SPATA6: variants seen among roughly 807,000 people sequenced by gnomAD.
SPATA6 encodes spermatogenesis associated 6, also known as spermatogenesis-associated protein 6.
In SPATA6, 56 loss-of-function variants were observed where a neutral mutation model predicts 65.3. The observed-to-expected ratio is 0.86, with a 90% CI of 0.69 to 1.07. The LOEUF (loss-of-function observed/expected upper bound fraction) is 1.07, where lower values mean the gene tolerates loss of function less well. Ranked by LOEUF, SPATA6 falls within the 50% of genes least tolerant of loss-of-function variation. The pLI is 0.00. For missense variants in SPATA6, 590 were observed against 594.8 expected (o/e 0.99, Z 0.08); for synonymous variants, 199 against 213.2 (o/e 0.93, Z 0.58).
intron 11 of SPATA6, among the ~76,000 whole-genome samples, chr1:48,314,821 A>G (rs554529235): frequency 3.3e-5 from 5 of 152,238 alleles, no homozygotes; most frequent in African/African-American, 9.6e-5. Context: ...GAAAAGAGAG[A>G]AGAATCAAAT....
chr1:48,334,564 G>T (rs564607442), intron 11 of SPATA6, among the ~76,000 whole-genome samples: 2 of 151,992 alleles, frequency 1.3e-5, no homozygotes, highest in East Asian at 1.9e-4. Flanking sequence ...TACAGAAAAG[G>T]CTTTTGATAA....
intron 11 of SPATA6, among the ~76,000 whole-genome samples, chr1:48,323,864 C>A (rs932000110): frequency 1.3e-5 from 2 of 152,132 alleles, no homozygotes; most frequent in African/African-American, 4.8e-5. Flanking sequence ...AATAAAAAGT[C>A]TCCTAGCAAA....
Position 48,413,166 on chromosome 1 carries a change from A to T in SPATA6, c.239-15T>A. Reference sequence around the variant, plus strand: ...TGCTGTATCATCTAAAAGTTTAAAGAAAAATTTCCTTAAATAAACAAATTA... The same window carrying T: ...TGCTGTATCATCTAAAAGTTTAAAGTAAAATTTCCTTAAATAAACAAATTA... On this transcript the variant is annotated splice_polypyrimidine_tract_variant and intron_variant, in intron 3 of 12. Coordinates refer to ENST00000371847, the MANE Select transcript of SPATA6 (RefSeq NM_019073.4). The T allele has an allele frequency of 7.1e-7, 1 of 1,411,216 alleles. No individual in the cohort carries two copies. The highest frequency in any genetic ancestry group is 9.3e-7 in the Non-Finnish European group (1 of 1,078,160). 87.4% of individuals were successfully genotyped at this position (1,411,216 alleles called of 1,614,324 possible). A position where few individuals can be genotyped will look rare whatever the true frequency, so the allele number is the denominator to read the frequency against.
At chr1:48,415,327 G>C (rs1482239167) in intron 3 of SPATA6, among the ~76,000 whole-genome samples, 3 of 152,164 alleles carry the variant, frequency 2.0e-5, no homozygotes, top group Admixed American at 6.5e-5. Context: ...GATTTTTGTA[G>C]AGTCTTTTAT....
At chr1:48,386,060 TG>T (rs1331074139) in intron 8 of SPATA6, among the ~76,000 whole-genome samples, 1 of 152,208 alleles carries the variant, frequency 6.6e-6, no homozygotes, top group African/African-American at 2.4e-5. Context: ...TTTCAAATTC[TG>T]CCACTTATTA....
downstream of SPATA6, among the ~76,000 whole-genome samples, chr1:48,291,001 T>C (rs181268912): frequency 1.2e-3 from 186 of 152,280 alleles, no homozygotes; most frequent in Admixed American, 6.9e-3. Flanking sequence ...GCAGACCTAA[T>C]AGACATCTAC....
chr1:48,385,222 C>A, intron 9 of SPATA6, 87 bp downstream of exon 9: 1 of 1,100,750 alleles, frequency 9.1e-7, no homozygotes, highest in Non-Finnish European at 1.2e-6. Context: ...TTTGATAATC[C>A]CTATCTGATA....
intron 12 of SPATA6, among the ~76,000 whole-genome samples, chr1:48,301,865 A>G (rs1241838079): frequency 1.3e-5 from 2 of 152,168 alleles, no homozygotes; most frequent in African/African-American, 4.8e-5. Flanking sequence ...CTCACCATAT[A>G]CAAACATCGA....
At chr1:48,311,890 G>C (rs535678834) in intron 11 of SPATA6, among the ~76,000 whole-genome samples, 18 of 152,320 alleles carry the variant, frequency 1.2e-4, no homozygotes, top group Non-Finnish European at 8.8e-5. Context: ...CTTTTCCAAT[G>C]GTCTTAGCAA....
intron 1 of SPATA6, among the ~76,000 whole-genome samples, chr1:48,454,151 AAC>A (rs1345630966): frequency 6.6e-6 from 1 of 152,024 alleles, no homozygotes; most frequent in Non-Finnish European, 1.5e-5. Flanking sequence ...GTTATTAAAT[AAC>A]ACATAGCACA....
intron 7 of SPATA6, among the ~76,000 whole-genome samples, chr1:48,396,494 T>A (rs1570441664): frequency 1.3e-5 from 2 of 151,602 alleles, no homozygotes; most frequent in Admixed American, 1.3e-4. Flanking sequence ...ACTCATAATA[T>A]CCAAAAGATG....
chr1:48,398,010 C>T (rs1158235633), intron 7 of SPATA6, among the ~76,000 whole-genome samples: 1 of 151,522 alleles, frequency 6.6e-6, no homozygotes, highest in Non-Finnish European at 1.5e-5. Context: ...TAAAATGTTA[C>T]TATTCCTTCA....
chr1:48,401,536 C>A (rs1651164738), intron 6 of SPATA6, among the ~76,000 whole-genome samples: 1 of 152,060 alleles, frequency 6.6e-6, no homozygotes, highest in Admixed American at 6.6e-5. Flanking sequence ...ATAGCACATG[C>A]AGCACAAGGA....
chr1:48,411,548 A>C lies in SPATA6; in HGVS notation c.321T>G (p.Asp107Glu). Reference protein sequence around the residue: ...TLSTYDENTRDFMFPGPNQMS... With the variant: ...TLSTYDENTREFMFPGPNQMS... The stretch of plus-strand genomic sequence containing the variant: ...TTTGGTTTGGACCCGGAAACATGAA[A>C]TCTCGTGTATTTTCGTCATACGTAG... Residue 107 changes from aspartate to glutamate, a missense_variant, in exon 5 of 13, where the codon GAT (aspartate) becomes GAG (glutamate). Transcript: ENST00000371847. 1.2e-6 allele frequency: 2 copies of C among 1,610,144 alleles called. No individual in the cohort carries two copies. The highest frequency in any genetic ancestry group is 2.2e-5 in the South Asian group (2 of 89,934).
intron 3 of SPATA6, among the ~76,000 whole-genome samples, chr1:48,448,260 CAAAA>C (rs56675907): frequency 1.7e-5 from 2 of 119,728 alleles, no homozygotes; most frequent in Non-Finnish European, 3.7e-5. Context: ...GATCCTGTCT[CAAAA>C]AAAAAAAAAA....
chr1:48,436,831 T>A (rs111583654), intron 3 of SPATA6: 1 of 1,613,244 alleles, frequency 6.2e-7, no homozygotes, highest in African/African-American at 1.3e-5. Context: ...TTATAGCCCA[T>A]TGGATATCAG....
chr1:48,298,548 G>C lies in SPATA6; in HGVS notation c.*165C>G, dbSNP rs1036914025. ...CTGTAATAATTATTTTAAAAGGCTTGCCTATGATAATTTACCATTTGAAGT... is the reference window on the plus strand; with the variant it reads ...CTGTAATAATTATTTTAAAAGGCTTCCCTATGATAATTTACCATTTGAAGT... On this transcript the variant is annotated 3_prime_UTR_variant, in exon 13 of 13. Coordinates refer to ENST00000371847, the MANE Select transcript of SPATA6 (RefSeq NM_019073.4). The C allele has an allele frequency of 1.8e-5, 11 of 613,202 alleles. No individual in the cohort carries two copies. Among genetic ancestry groups the C allele is most frequent in the Middle Eastern group, 8.9e-4 (2 of 2,244 alleles). The allele number at this position is 613,202 out of a possible 1,614,324, so 38.0% of individuals were successfully genotyped here.
the SPATA6 span, among the ~76,000 whole-genome samples, chr1:48,280,582 G>C: frequency 6.6e-6 from 1 of 152,126 alleles, no homozygotes; most frequent in East Asian, 1.9e-4. Flanking sequence ...AGAAAATCTA[G>C]AATAAATGGA....
At chr1:48,323,088 T>G (rs1645646026) in intron 11 of SPATA6, among the ~76,000 whole-genome samples, 1 of 152,166 alleles carries the variant, frequency 6.6e-6, no homozygotes, top group Admixed American at 6.5e-5. Flanking sequence ...CCCAAAGGAT[T>G]ATAAATCATT....
Sources: allele counts gnomAD v4.1 joint callset (sites outside exome capture counted in the v4.1 genomes callset), GRCh38; gene constraint gnomAD v4.1.1; transcripts MANE v1.5; gene names NCBI Gene and HGNC (gene_info 2026-07-23, HGNC 2026-07-21).